DYSF: variants seen among roughly 807,000 people sequenced by gnomAD.
The protein encoded by DYSF is dysferlin.
In DYSF, 212 loss-of-function variants were observed where a neutral mutation model predicts 274.9. That is an observed-to-expected ratio of 0.77 (90% CI 0.69 to 0.86). DYSF has a LOEUF of 0.86. DYSF is among the 40% of genes least tolerant of loss of function. DYSF has a pLI of 0.00. For synonymous variants in DYSF, 1,091 were observed against 1,078.7 expected, an observed-to-expected ratio of 1.01 and a Z score of -0.22; for missense variants, 2,666 against 2,783.2, an observed-to-expected ratio of 0.96 and a Z score of 0.95.
intron 43 of DYSF, 116 bp downstream of exon 43, chr2:71,656,406 C>T (rs1249352318): frequency 6.9e-7 from 1 of 1,454,480 alleles, no homozygotes. Context: ...TGTTGGTGAC[C>T]ACATGGGTAA....
intron 41 of DYSF, among the ~76,000 whole-genome samples, chr2:71,638,912 G>A (rs748672893): frequency 1.4e-4 from 22 of 152,200 alleles, no homozygotes; most frequent in Non-Finnish European, 2.6e-4. Flanking sequence ...CTGCCAAACT[G>A]TTTTTCAAAG....
In DYSF at chr2:71,679,108, A is replaced by G; in HGVS notation, c.5936A>G (p.Lys1979Arg). 2 of 1,614,062 alleles carry G rather than the reference A, an allele frequency of 1.2e-6. No homozygotes were observed. The highest frequency in any genetic ancestry group is 2.2e-5 in the South Asian group (2 of 91,076). The change falls in exon 53 of 56, where the codon AAG becomes AGG. Residue 1979 changes from lysine (K) to arginine (R), a missense_variant. Lys to Arg is a conservative substitution (Grantham distance 26). Transcript: ENST00000410020. ...NRMPKPAKTA[K>R]KCSLDQLDDA... ...ATGCCCAAGCCAGCCAAGACAGCCA[A>G]GAAGTGCTCCTTGGACCAGCTGGAT...
intron 32 of DYSF, among the ~76,000 whole-genome samples, chr2:71,590,623 G>T (rs141371007): frequency 2.6e-3 from 396 of 152,284 alleles, no homozygotes; most frequent in African/African-American, 9.1e-3. Context: ...GATGCTCCAA[G>T]AAGTCTTGTC....
chr2:71,515,810 A>G (rs1424773548), intron 8 of DYSF, 59 bp downstream of exon 8: 3 of 1,609,906 alleles, frequency 1.9e-6, no homozygotes, highest in Admixed American at 1.7e-5. Flanking sequence ...CTGGAAGCCC[A>G]GTGCAGACAC....
intron 41 of DYSF, among the ~76,000 whole-genome samples, chr2:71,634,475 C>T (rs577038627): frequency 5.3e-4 from 80 of 152,210 alleles, no homozygotes; most frequent in African/African-American, 1.8e-3. Flanking sequence ...CTAACTTATT[C>T]CTGGACTTCC....
chr2:71,482,057 G>A, intron 3 of DYSF, 87 bp downstream of exon 3: 2 of 1,104,188 alleles, frequency 1.8e-6, no homozygotes, highest in Non-Finnish European at 2.7e-6. Flanking sequence ...CAGGCCCCAG[G>A]GAGCTGGGGT....
chr2:71,625,008 T>G (rs2094182016), intron 41 of DYSF, among the ~76,000 whole-genome samples: 1 of 152,194 alleles, frequency 6.6e-6, no homozygotes, highest in Non-Finnish European at 1.5e-5. Context: ...TCATCTTCAT[T>G]CTTAATTTTA....
chr2:71,634,884 CA>C (rs1278379051), intron 41 of DYSF, among the ~76,000 whole-genome samples: 1 of 152,200 alleles, frequency 6.6e-6, no homozygotes, highest in African/African-American at 2.4e-5. Flanking sequence ...TTTCAGCCCC[CA>C]AATCCTTCTA....
At chr2:71,647,402 A>C (rs897344392) in intron 42 of DYSF, among the ~76,000 whole-genome samples, 1 of 152,230 alleles carries the variant, frequency 6.6e-6, no homozygotes, top group Non-Finnish European at 1.5e-5. Context: ...TAAAATGAGA[A>C]ATTAATAACA....
chr2:71,590,301 G>A lies in DYSF; in HGVS notation c.3574+13G>A. The A allele has an allele frequency of 6.2e-7, 1 of 1,614,032 alleles. No homozygotes were observed. The highest frequency in any genetic ancestry group is 1.1e-5 in the South Asian group (1 of 91,078). On this transcript the variant is annotated intron_variant, in intron 32 of 55. Transcript: ENST00000410020. ...GACTCTTTTTCTGGTAGGTGGGAGA[G>A]AGGCAGGAGAGTCAGAGACTGTGGG...
intron 13 of DYSF, among the ~76,000 whole-genome samples, chr2:71,527,961 T>C (rs1482530749): frequency 6.6e-6 from 1 of 152,260 alleles, no homozygotes; most frequent in Admixed American, 6.5e-5. Flanking sequence ...GATATTGTTA[T>C]AACAACTGCC....
chr2:71,506,250 C>A (rs2085460372), intron 4 of DYSF, among the ~76,000 whole-genome samples: 1 of 152,156 alleles, frequency 6.6e-6, no homozygotes, highest in Non-Finnish European at 1.5e-5. Flanking sequence ...AGCCTGACCA[C>A]ATAACCTGGA....
In DYSF at chr2:71,612,748, G is replaced by C. The variant is rs1290365271; in HGVS notation, c.4329G>C (p.Leu1443=). ...TGGGCCAGTGTACCATCCGCTCCCTGGAGAGCTTCCTGTGTGACCCCTACT... is the reference window on the plus strand; with the variant it reads ...TGGGCCAGTGTACCATCCGCTCCCTCGAGAGCTTCCTGTGTGACCCCTACT... The part of the protein sequence containing the change: ...PVVGQCTIRS[L]ESFLCDPYSA... Residue 1443 remains leucine (L), a synonymous_variant, in exon 39 of 56, where the codon CTG becomes CTC. Coordinates refer to ENST00000410020, the MANE Select transcript of DYSF (RefSeq NM_001130987.2). The C allele has an allele frequency of 5.0e-6, 8 of 1,614,068 alleles. No homozygotes were observed. Among genetic ancestry groups the C allele is most frequent in the African/African-American group, 1.3e-5 (1 of 74,936 alleles).
At chr2:71,592,539 G>A (rs2093297187) in intron 32 of DYSF, among the ~76,000 whole-genome samples, 2 of 152,230 alleles carry the variant, frequency 1.3e-5, no homozygotes, top group African/African-American at 4.8e-5. Flanking sequence ...CTGACCCTGG[G>A]GCGGCTGGCG....
At chr2:71,571,799 A>ACCCAG (rs1326114844) in intron 29 of DYSF, among the ~76,000 whole-genome samples, 1 of 141,010 alleles carries the variant, frequency 7.1e-6, no homozygotes, top group Non-Finnish European at 1.5e-5. Context: ...CACCCAGCAC[A>ACCCAG]CACAGCTCAC....
chr2:71,453,862 C>T (rs1423756609), exon 1 of DYSF: 1 of 878,564 alleles, frequency 1.1e-6, no homozygotes, highest in African/African-American at 1.7e-5. Context: ...TGCTCTAAGC[C>T]AGGAGCCAGA....
intron 3 of DYSF, among the ~76,000 whole-genome samples, chr2:71,486,067 G>C (rs896783081): frequency 5.9e-5 from 9 of 152,138 alleles, no homozygotes; most frequent in Non-Finnish European, 1.2e-4. Flanking sequence ...TCAAGGGTTA[G>C]GTGGCTGTGC....
intron 20 of DYSF, 78 bp from the exon 21 acceptor site, chr2:71,553,729 G>A: frequency 1.8e-6 from 2 of 1,134,664 alleles, no homozygotes; most frequent in Non-Finnish European, 2.6e-6. Context: ...GAGTGCCCAG[G>A]AGGCTGGCAC....
upstream of DYSF, among the ~76,000 whole-genome samples, chr2:71,464,753 C>T (rs1456711293): frequency 6.6e-6 from 1 of 152,152 alleles, no homozygotes; most frequent in African/African-American, 2.4e-5. Context: ...TGAGTAGAAC[C>T]AGGTCATGAG....
Sources: allele counts gnomAD v4.1 joint callset (sites outside exome capture counted in the v4.1 genomes callset), GRCh38; gene constraint gnomAD v4.1.1; transcripts MANE v1.5; gene names NCBI Gene and HGNC (gene_info 2026-07-23, HGNC 2026-07-21).